HCN1: variants seen among roughly 807,000 people sequenced by gnomAD.
The protein encoded by HCN1 is hyperpolarization activated cyclic nucleotide gated potassium channel 1.
HCN1 carries 13 observed loss-of-function variants against 78.9 expected under a neutral mutation model. That is an observed-to-expected ratio of 0.16 (90% CI 0.11 to 0.26). The LOEUF is 0.26. Ranked by LOEUF, HCN1 falls within the 10% of genes least tolerant of loss-of-function variation. HCN1 has a pLI of 1.00. For missense variants in HCN1, 810 were observed against 1,154.3 expected (o/e 0.70, Z 4.32); for synonymous variants, 552 against 455.5 (o/e 1.21, Z -2.70).
At chr5:45,314,145 C>T (rs780117102) in intron 5 of HCN1, among the ~76,000 whole-genome samples, 7 of 152,116 alleles carry the variant, frequency 4.6e-5, no homozygotes, top group Non-Finnish European at 1.0e-4. Context: ...GAGAAGCCCA[C>T]CAGACTAACA....
intron 1 of HCN1, among the ~76,000 whole-genome samples, chr5:45,655,901 G>C (rs967082760): frequency 6.6e-6 from 1 of 152,186 alleles, no homozygotes; most frequent in Non-Finnish European, 1.5e-5. Context: ...CACTTGGGAA[G>C]CAAGAGTCAA....
intron 4 of HCN1, among the ~76,000 whole-genome samples, chr5:45,354,963 T>C (rs1408031783): frequency 6.6e-6 from 1 of 151,992 alleles, no homozygotes; most frequent in Admixed American, 6.6e-5. Flanking sequence ...CTAGGGAAAA[T>C]ATAATCTGCT....
intron 4 of HCN1, among the ~76,000 whole-genome samples, chr5:45,362,397 A>G (rs960149194): frequency 6.6e-6 from 1 of 152,104 alleles, no homozygotes; most frequent in African/African-American, 2.4e-5. Flanking sequence ...TCAAAAAGAA[A>G]TAGAAGCTTT....
chr5:45,378,723 T>C (rs1443151092), intron 4 of HCN1, among the ~76,000 whole-genome samples: 2 of 152,096 alleles, frequency 1.3e-5, no homozygotes, highest in African/African-American at 2.4e-5. Context: ...GCTGCACCCA[T>C]TAACTCGTCA....
At chr5:45,402,745 C>T (rs1221481078) in intron 3 of HCN1, among the ~76,000 whole-genome samples, 1 of 151,398 alleles carries the variant, frequency 6.6e-6, no homozygotes, top group Non-Finnish European at 1.5e-5. Context: ...TAGGCTTTCT[C>T]TCTCTCTCTC....
chr5:45,543,116 C>T (rs185457748), intron 2 of HCN1, among the ~76,000 whole-genome samples: 1 of 151,850 alleles, frequency 6.6e-6, no homozygotes, highest in Admixed American at 6.6e-5. Flanking sequence ...CTTTTTATAC[C>T]CATAAGGCAT....
At chr5:45,429,990 G>A (rs922780442) in intron 3 of HCN1, among the ~76,000 whole-genome samples, 3 of 151,828 alleles carry the variant, frequency 2.0e-5, no homozygotes, top group Middle Eastern at 3.4e-3. Flanking sequence ...ATAATGTTCC[G>A]TAAGCAGTAA....
At chr5:45,634,665 C>T (rs908397985) in intron 2 of HCN1, among the ~76,000 whole-genome samples, 2 of 151,912 alleles carry the variant, frequency 1.3e-5, no homozygotes, top group African/African-American at 2.4e-5. Context: ...AAAGTTGTCT[C>T]GCTTCTACAA....
chr5:45,671,201 G>A (rs978169575), intron 1 of HCN1, among the ~76,000 whole-genome samples: 1 of 151,272 alleles, frequency 6.6e-6, no homozygotes, highest in African/African-American at 2.4e-5. Context: ...GTGTGTGAAA[G>A]GCCTGTTCTC....
chr5:45,403,787 G>A (rs1739868940), intron 3 of HCN1, among the ~76,000 whole-genome samples: 1 of 152,218 alleles, frequency 6.6e-6, no homozygotes, highest in African/African-American at 2.4e-5. Context: ...TATAAATCAG[G>A]TACATGGTTC....
At chr5:45,492,784 G>T (rs944329258) in intron 2 of HCN1, among the ~76,000 whole-genome samples, 1 of 152,020 alleles carries the variant, frequency 6.6e-6, no homozygotes, top group Admixed American at 6.6e-5. Flanking sequence ...TCACAGGTGT[G>T]AGTGTTACAT....
intron 1 of HCN1, among the ~76,000 whole-genome samples, chr5:45,665,306 G>C (rs1318919157): frequency 8.1e-6 from 1 of 123,124 alleles, no homozygotes; most frequent in Non-Finnish European, 1.7e-5. Context: ...TGTGGGGTGG[G>C]GGGAGGGGGG....
chr5:45,553,048 T>C (rs1743401470), intron 2 of HCN1, among the ~76,000 whole-genome samples: 1 of 151,888 alleles, frequency 6.6e-6, no homozygotes, highest in Non-Finnish European at 1.5e-5. Context: ...AGCACAAGCA[T>C]GAAGGGGCTT....
At chr5:45,287,853 CTT>C (rs1353487219) in intron 6 of HCN1, among the ~76,000 whole-genome samples, 1 of 152,062 alleles carries the variant, frequency 6.6e-6, no homozygotes, top group Non-Finnish European at 1.5e-5. Context: ...CCAGTACTGT[CTT>C]TTACACGCAT....
chr5:45,493,055 T>C (rs1165354223), intron 2 of HCN1, among the ~76,000 whole-genome samples: 1 of 152,114 alleles, frequency 6.6e-6, no homozygotes, highest in African/African-American at 2.4e-5. Flanking sequence ...ATATATTAAT[T>C]GTAGACTATT....
intron 2 of HCN1, among the ~76,000 whole-genome samples, chr5:45,511,945 A>C (rs996899355): frequency 6.6e-6 from 1 of 152,114 alleles, no homozygotes; most frequent in Non-Finnish European, 1.5e-5. Flanking sequence ...AAACTATTAC[A>C]AATTAAAAGT....
chr5:45,333,682 C>A (rs906958368), intron 5 of HCN1, among the ~76,000 whole-genome samples: 1 of 151,708 alleles, frequency 6.6e-6, no homozygotes, highest in Admixed American at 6.6e-5. Context: ...AGATAGGGGT[C>A]TAGTTTCATT....
intron 3 of HCN1, among the ~76,000 whole-genome samples, chr5:45,459,090 C>A (rs2111618633): frequency 6.6e-6 from 1 of 151,572 alleles, no homozygotes; most frequent in East Asian, 1.9e-4. Context: ...TGGTTATTTC[C>A]TTCACATCAC....
chr5:45,313,262 G>C (rs1294094411), intron 5 of HCN1, among the ~76,000 whole-genome samples: 1 of 152,142 alleles, frequency 6.6e-6, no homozygotes, highest in Non-Finnish European at 1.5e-5. Context: ...ACAGGGTCTG[G>C]AGTGAACCTC....
Sources: gnomAD v4.1 joint callset for allele counts (sites outside exome capture counted in the v4.1 genomes callset) on GRCh38, gnomAD v4.1.1 for gene constraint, MANE v1.5 for transcripts, NCBI Gene and HGNC (gene_info 2026-07-23, HGNC 2026-07-21) for gene names.